PRKAR1B: variants seen among roughly 807,000 people sequenced by gnomAD.
PRKAR1B encodes cAMP-dependent protein kinase type I-beta regulatory subunit.
PRKAR1B carries 22 observed loss-of-function variants against 46.5 expected under a neutral mutation model. That is an observed-to-expected ratio of 0.47 (90% CI 0.34 to 0.68). The LOEUF (loss-of-function observed/expected upper bound fraction) is 0.68, where lower values mean the gene tolerates loss of function less well. PRKAR1B is among the 30% of genes least tolerant of loss of function. PRKAR1B has a pLI of 0.01. For synonymous variants in PRKAR1B, 259 were observed against 217.7 expected (o/e 1.19, Z -1.67); for missense variants, 445 against 535.6 (o/e 0.83, Z 1.67).
chr7:680,620 CG>C lies in PRKAR1B; in HGVS notation c.283del (p.Arg95AlafsTer6). The C allele has an allele frequency of 6.3e-7, 1 of 1,588,528 alleles. No individual in the cohort carries two copies. The highest frequency in any genetic ancestry group is 8.6e-7 in the Non-Finnish European group (1 of 1,166,094). ...TPPNPVVKAR[R>X]RRGGVSAEVY... is the part of the protein sequence containing the mutation. Reference sequence around the variant, plus strand: ...CTCGGCACTCACGCCTCCTCGCCGGCGGCGGGCCTTCACCACAGGGTTCGGG... The same window carrying C: ...CTCGGCACTCACGCCTCCTCGCCGGCGCGGGCCTTCACCACAGGGTTCGGG... On this transcript the variant is annotated frameshift_variant, in exon 3 of 11. Coordinates refer to ENST00000537384, the MANE Select transcript of PRKAR1B (RefSeq NM_001164760.2). LOFTEE classifies it high-confidence loss of function.
At chr7:575,558 G>A (rs1426167977) in intron 9 of PRKAR1B, among the ~76,000 whole-genome samples, 1 of 152,084 alleles carries the variant, frequency 6.6e-6, no homozygotes, top group East Asian at 1.9e-4. Flanking sequence ...TTTTGGTTTT[G>A]GTTTTGAGAC....
At position 726,961 on chromosome 7, in the gene PRKAR1B, T is replaced by A. The variant is rs1303155172; in HGVS notation, c.-23+249A>T. 6.8e-6 allele frequency: 9 copies of A among 1,324,296 alleles called. No individual in the cohort carries two copies. Among genetic ancestry groups the A allele is most frequent in the Non-Finnish European group, 8.7e-6 (9 of 1,032,310 alleles). 82.0% of individuals were successfully genotyped at this position (1,324,296 alleles called of 1,614,324 possible). A position where few individuals can be genotyped will look rare whatever the true frequency, so the allele number is the denominator to read the frequency against. On this transcript the variant is annotated intron_variant, in intron 1 of 10. Coordinates refer to ENST00000537384, the MANE Select transcript of PRKAR1B (RefSeq NM_001164760.2). Reference sequence around the variant, plus strand: ...CTGGGCGCGCCTACTGCTGCCGCGCTTGCTGCGCTGCCTGAGCGACCCCGC... The same window carrying A: ...CTGGGCGCGCCTACTGCTGCCGCGCATGCTGCGCTGCCTGAGCGACCCCGC...
intron 9 of PRKAR1B, among the ~76,000 whole-genome samples, chr7:563,767 G>A (rs1158731374): frequency 2.0e-5 from 3 of 150,776 alleles, no homozygotes; most frequent in Non-Finnish European, 4.4e-5. Flanking sequence ...GCTCAGGTGT[G>A]CATGCATGTC....
At chr7:724,148 G>A (rs574664302) in intron 1 of PRKAR1B, among the ~76,000 whole-genome samples, 4 of 152,208 alleles carry the variant, frequency 2.6e-5, no homozygotes, top group East Asian at 3.9e-4. Context: ...CATTCAGCCC[G>A]TAACACTCCC....
At chr7:676,573 C>G (rs1778315068) in intron 4 of PRKAR1B, among the ~76,000 whole-genome samples, 3 of 152,242 alleles carry the variant, frequency 2.0e-5, no homozygotes, top group Admixed American at 2.0e-4. Context: ...TCCAGACCCC[C>G]TATTTGAGGA....
intron 4 of PRKAR1B, among the ~76,000 whole-genome samples, chr7:612,266 G>T (rs889153012): frequency 9.6e-4 from 142 of 148,206 alleles, no homozygotes; most frequent in African/African-American, 3.3e-3. Context: ...GTAGATCAAC[G>T]GATGGATGGA....
rs559673434 is a variant in PRKAR1B at position 605,370 on chromosome 7, G to A, written c.549+823C>T. Among the ~76,000 whole-genome samples the A allele has an allele frequency of 6.4e-4, 98 of 152,342 alleles. 2 individuals carry two copies. Among genetic ancestry groups the A allele is most frequent in the African/African-American group, 1.6e-3 (66 of 41,576 alleles). Reference sequence around the variant, plus strand: ...CGTGCGGGGGGCGGCCTGCAGAACAGGAGCCCAGCGGGGGATGAGGGGGCC... The same window carrying A: ...CGTGCGGGGGGCGGCCTGCAGAACAAGAGCCCAGCGGGGGATGAGGGGGCC... On this transcript the variant is annotated intron_variant, in intron 6 of 10. Transcript: ENST00000537384.
chr7:587,441 A>C (rs930826522), intron 7 of PRKAR1B, among the ~76,000 whole-genome samples: 3 of 152,152 alleles, frequency 2.0e-5, no homozygotes, highest in Non-Finnish European at 4.4e-5. Context: ...TGTGTGTCTG[A>C]AGTTACCCAC....
intron 4 of PRKAR1B, among the ~76,000 whole-genome samples, chr7:669,174 A>T (rs1009865074): frequency 6.6e-6 from 1 of 152,250 alleles, no homozygotes; most frequent in South Asian, 2.1e-4. Context: ...GATACATGCT[A>T]TGCTGTGGAT....
At chr7:626,008 C>CAAAAAAAAA (rs71016892) in intron 4 of PRKAR1B, among the ~76,000 whole-genome samples, 1 of 110,588 alleles carries the variant, frequency 9.0e-6, no homozygotes, top group African/African-American at 3.5e-5. Context: ...AACTCCATCT[C>CAAAAAAAAA]AAAAAAAAAA....
chr7:704,503 C>T (rs377749357), intron 2 of PRKAR1B, among the ~76,000 whole-genome samples: 4 of 152,170 alleles, frequency 2.6e-5, no homozygotes, highest in Admixed American at 6.5e-5. Context: ...TGGCCGGGTG[C>T]GGTGGCTCAC....
intron 8 of PRKAR1B, among the ~76,000 whole-genome samples, chr7:583,858 A>C (rs1344549420): frequency 2.0e-5 from 3 of 151,874 alleles, no homozygotes; most frequent in African/African-American, 4.8e-5. Context: ...ACCCCCACAC[A>C]CCTGCACGGT....
At chr7:599,770 G>T (rs1051005584) in intron 6 of PRKAR1B, among the ~76,000 whole-genome samples, 2 of 151,262 alleles carry the variant, frequency 1.3e-5, no homozygotes, top group Admixed American at 6.6e-5. Flanking sequence ...AGGAGCTGGG[G>T]GAGGCACATG....
Position 671,043 on chromosome 7 carries a change from G to A in PRKAR1B, c.440+6186C>T, listed in dbSNP as rs558964952. The stretch of plus-strand genomic sequence containing the variant: ...GCCAGAAGATGGGGACACAGATTTC[G>A]CGTGAGTGGTTCTGTCTGACAAATG... On this transcript the variant is annotated intron_variant, in intron 4 of 10. Transcript: ENST00000537384. Among the ~76,000 whole-genome samples, 9 of 152,314 alleles carry A rather than the reference G, an allele frequency of 5.9e-5. No homozygotes were observed. In the East Asian group the frequency reaches 7.7e-4, roughly 13 times the overall value.
chr7:704,103 C>A (rs1780192333), intron 2 of PRKAR1B, among the ~76,000 whole-genome samples: 1 of 151,992 alleles, frequency 6.6e-6, no homozygotes, highest in Non-Finnish European at 1.5e-5. Context: ...TTATATATTT[C>A]TATCAGATAA....
At chr7:726,170 A>G (rs1781261805) in intron 1 of PRKAR1B, among the ~76,000 whole-genome samples, 1 of 152,232 alleles carries the variant, frequency 6.6e-6, no homozygotes, top group African/African-American at 2.4e-5. Flanking sequence ...CTGGGCAGCG[A>G]GTAAGGCGAA....
In PRKAR1B at chr7:701,065, G is replaced by A. The variant is rs954199665; in HGVS notation, c.177+10264C>T. Among the ~76,000 whole-genome samples the A allele has an allele frequency of 2.0e-5, 3 of 152,008 alleles. No homozygotes were observed. In the East Asian group the frequency reaches 5.8e-4, roughly 29 times the overall value. ...TAGCTGGGCATGGTGGTGCGCATCT[G>A]CAATCCCAGCTACTCGGGAGGCTGA... On this transcript the variant is annotated intron_variant, in intron 2 of 10. Transcript: ENST00000537384.
intron 4 of PRKAR1B, among the ~76,000 whole-genome samples, 196 bp downstream of exon 4, chr7:677,033 G>T (rs1650809088): frequency 6.6e-6 from 1 of 151,526 alleles, no homozygotes; most frequent in South Asian, 2.1e-4. Flanking sequence ...GTGATTCCTG[G>T]GCAAGCAACG....
intron 4 of PRKAR1B, among the ~76,000 whole-genome samples, chr7:619,726 T>C (rs1783012493): frequency 1.3e-5 from 2 of 152,288 alleles, no homozygotes; most frequent in South Asian, 2.1e-4. Flanking sequence ...CAAGGCCTCC[T>C]GCTGAGCCTC....
Sources: gnomAD v4.1 joint callset for allele counts (sites outside exome capture counted in the v4.1 genomes callset) on GRCh38, gnomAD v4.1.1 for gene constraint, MANE v1.5 for transcripts, NCBI Gene and HGNC (gene_info 2026-07-23, HGNC 2026-07-21) for gene names.